The following USP54 variants were observed in gnomAD, a reference collection of about 807,000 sequenced individuals.
The protein encoded by USP54 is ubiquitin specific peptidase 54.
In USP54, 87 loss-of-function variants were observed where a neutral mutation model predicts 170.5. The ratio of observed to expected loss-of-function variants is 0.51; its 90% CI spans 0.43 to 0.61. The LOEUF (loss-of-function observed/expected upper bound fraction) is 0.61, where lower values mean the gene tolerates loss of function less well. USP54 is among the 20% of genes least tolerant of loss of function. The pLI is 0.00. For missense variants in USP54, 1,786 were observed against 2,047.8 expected (o/e 0.87, Z 2.47); for synonymous variants, 655 against 742.8 (o/e 0.88, Z 1.92).
chr10:73,545,440 T>G lies in USP54; in HGVS notation c.375+98A>C, dbSNP rs1018935987. 3 of 1,485,598 alleles carry G rather than the reference T, an allele frequency of 2.0e-6. No individual in the cohort carries two copies. The African/African-American group carries it at 4.2e-5, about 21-fold the overall frequency. The allele number at this position is 1,485,598 out of a possible 1,614,324, so 92.0% of individuals were successfully genotyped here. ...AAACTCCTAGTTCTAACTGTAGAGA[T>G]AAGGGCACAGCAAATTCCACCATAA... On this transcript the variant is annotated intron_variant, in intron 5 of 23. Coordinates refer to ENST00000687698, the MANE Select transcript of USP54 (RefSeq NM_001391956.1).
intron 4 of USP54, among the ~76,000 whole-genome samples, chr10:73,550,855 C>T (rs1318349059): frequency 6.6e-6 from 1 of 152,098 alleles, no homozygotes; most frequent in East Asian, 1.9e-4. Flanking sequence ...GCCTGCAATC[C>T]CAGCACTTTG....
intron 19 of USP54, chr10:73,518,183 T>G (rs1449750183): frequency 2.0e-6 from 2 of 985,228 alleles, no homozygotes; most frequent in African/African-American, 3.5e-5. Flanking sequence ...GGGAGGCAAG[T>G]CCTACCTGGG....
chr10:73,611,852 T>TA (rs2080175256), intron 1 of USP54, among the ~76,000 whole-genome samples: 1 of 151,656 alleles, frequency 6.6e-6, no homozygotes, highest in Non-Finnish European at 1.5e-5. Context: ...CTCACACCTG[T>TA]AAATCCCAGC....
intron 11 of USP54, among the ~76,000 whole-genome samples, chr10:73,535,474 T>A (rs562430173): frequency 4.5e-4 from 69 of 152,164 alleles, no homozygotes; most frequent in African/African-American, 1.6e-3. Flanking sequence ...CAAAATTATA[T>A]CAAGGGCCAG....
At chr10:73,602,588 G>A (rs2079264660) in intron 1 of USP54, among the ~76,000 whole-genome samples, 2 of 151,360 alleles carry the variant, frequency 1.3e-5, no homozygotes, top group African/African-American at 2.4e-5. Context: ...GCCAGGCACT[G>A]TGGCTCATGC....
At chr10:73,583,827 G>C (rs1425656785) in intron 1 of USP54, among the ~76,000 whole-genome samples, 1 of 152,000 alleles carries the variant, frequency 6.6e-6, no homozygotes, top group East Asian at 1.9e-4. Flanking sequence ...AGGCAAACTG[G>C]TGAAATTCAG....
At chr10:73,603,660 A>G (rs1589384227) in intron 1 of USP54, among the ~76,000 whole-genome samples, 1 of 152,096 alleles carries the variant, frequency 6.6e-6, no homozygotes, top group Non-Finnish European at 1.5e-5. Flanking sequence ...AGGCAGGAGA[A>G]GCACTTTAAC....
chr10:73,567,694 T>A (rs551559312), intron 4 of USP54, among the ~76,000 whole-genome samples: 31 of 152,216 alleles, frequency 2.0e-4, no homozygotes, highest in Admixed American at 1.4e-3. Context: ...GAAACAGAAC[T>A]GAATGTTATG....
chr10:73,519,505 T>C, intron 19 of USP54: 1 of 384,470 alleles, frequency 2.6e-6, no homozygotes, highest in Non-Finnish European at 4.9e-6. Flanking sequence ...GAACATAATA[T>C]ATACAAATAT....
intron 1 of USP54, among the ~76,000 whole-genome samples, chr10:73,599,711 T>G (rs1467887986): frequency 1.1e-4 from 16 of 152,020 alleles, no homozygotes; most frequent in Admixed American, 1.0e-3. Context: ...AAAACAATTA[T>G]CTCTGCTGCT....
upstream of USP54, among the ~76,000 whole-genome samples, chr10:73,592,389 G>A (rs2078335778): frequency 6.8e-6 from 1 of 147,526 alleles, no homozygotes; most frequent in African/African-American, 2.5e-5. Flanking sequence ...CATGGGCAAT[G>A]TCCAAAACTA....
At chr10:73,521,218 CA>C (rs1359371141) in intron 17 of USP54, among the ~76,000 whole-genome samples, 191 bp from the exon 18 acceptor site, 2 of 152,154 alleles carry the variant, frequency 1.3e-5, no homozygotes, top group African/African-American at 4.8e-5. Flanking sequence ...AAGATGTTAC[CA>C]AGGCCATGAA....
intron 1 of USP54, among the ~76,000 whole-genome samples, chr10:73,614,561 C>CA (rs60519884): frequency 0.14 from 6,925 of 48,178 alleles, 580 homozygotes; most frequent in African/African-American, 0.29. Context: ...ACTCCGTCTC[C>CA]AAAAAAAAAA....
rs1173811039 is a variant in USP54 at position 73,498,339 on chromosome 10, G to A, written c.*290C>T. The A allele has an allele frequency of 1.0e-5, 2 of 198,090 alleles. No individual in the cohort carries two copies. The highest frequency in any genetic ancestry group is 2.3e-5 in the African/African-American group (1 of 42,898). 12.3% of individuals were successfully genotyped at this position (198,090 alleles called of 1,614,324 possible). A position where few individuals can be genotyped will look rare whatever the true frequency, so the allele number is the denominator to read the frequency against. ...TTGCCAAGCTGGAGTGCAGTGGTGC[G>A]ATCTCGGCTCACTGCAACCTCTGCC... On this transcript the variant is annotated 3_prime_UTR_variant, in exon 24 of 24. Coordinates refer to ENST00000687698, the MANE Select transcript of USP54 (RefSeq NM_001391956.1).
intron 20 of USP54, among the ~76,000 whole-genome samples, chr10:73,509,844 C>T (rs1399752469): frequency 6.6e-6 from 1 of 151,688 alleles, no homozygotes; most frequent in Non-Finnish European, 1.5e-5. Context: ...CCTGTCGCTC[C>T]AAACCACACA....
At chr10:73,602,967 T>A (rs1448065456) in intron 1 of USP54, among the ~76,000 whole-genome samples, 1 of 152,068 alleles carries the variant, frequency 6.6e-6, no homozygotes, top group Non-Finnish European at 1.5e-5. Flanking sequence ...ACACCTATTA[T>A]GTGCAAGTAT....
rs959394168 is a variant in USP54, at chr10:73,521,006, C to G, written c.2384G>C (p.Arg795Thr). The change falls in exon 18 of 24, where the codon AGG (arginine) becomes ACG (threonine). Residue 795 changes from arginine to threonine, a missense_variant. Coordinates refer to ENST00000687698, the MANE Select transcript of USP54 (RefSeq NM_001391956.1). ...QNQGRSDGFE[R>T]SLQEAESVFE... ...CACTGACTCTGCCTCTTGCAGGGAC[C>G]TCTCAAAGCCGTCACTCCTCCCTGA... is the stretch of plus-strand genomic sequence containing the variant. 4 of 1,614,024 alleles carry G rather than the reference C, an allele frequency of 2.5e-6. No homozygotes were observed. Among genetic ancestry groups the G allele is most frequent in the Non-Finnish European group, 2.5e-6 (3 of 1,180,040 alleles).
chr10:73,517,074 A>T lies in USP54; in HGVS notation c.3352T>A (p.Tyr1118Asn). Residue 1118 changes from tyrosine to asparagine, a missense_variant, in exon 20 of 24, where the codon TAT (tyrosine) becomes AAT (asparagine). Physicochemically the swap from Tyr to Asn is moderately radical, Grantham distance 143. This residue lies in a region of USP54 where 1,418 missense variants were observed against 1,569.0 expected (regional missense o/e 0.90). Coordinates refer to ENST00000687698, the MANE Select transcript of USP54 (RefSeq NM_001391956.1). ...TTTGTGCTGGGAAACTCTGGCCTAT[A>T]GGTCTCCTCACTGCCTCTGTCCACT... Reference protein sequence around the residue: ...LKVDRGSEETYRPEFPSTKGL... With the variant: ...LKVDRGSEETNRPEFPSTKGL... 6.2e-7 allele frequency: 1 copy of T among 1,614,194 alleles called. No individual in the cohort carries two copies. Among genetic ancestry groups the T allele is most frequent in the Non-Finnish European group, 8.5e-7 (1 of 1,180,046 alleles).
At chr10:73,556,660 T>C (rs2071157508) in intron 4 of USP54, among the ~76,000 whole-genome samples, 1 of 152,136 alleles carries the variant, frequency 6.6e-6, no homozygotes, top group Non-Finnish European at 1.5e-5. Flanking sequence ...ATTTCTTATA[T>C]CATTTTATTC....
Sources: allele counts gnomAD v4.1 joint callset (sites outside exome capture counted in the v4.1 genomes callset), GRCh38; gene constraint gnomAD v4.1.1; regional missense constraint gnomAD v4.1.1; transcripts MANE v1.5; gene names NCBI Gene and HGNC (gene_info 2026-07-23, HGNC 2026-07-21).